The following LRP6 variants were observed in gnomAD, a reference collection of about 807,000 sequenced individuals.
LRP6 encodes LDL receptor related protein 6.
A neutral mutation model predicts 184.1 loss-of-function variants in LRP6; 43 were observed. The ratio of observed to expected loss-of-function variants is 0.23; its 90% confidence interval spans 0.18 to 0.30. The LOEUF (loss-of-function observed/expected upper bound fraction) is 0.30, where lower values mean the gene tolerates loss of function less well. Ranked by LOEUF, LRP6 falls within the 10% of genes least tolerant of loss-of-function variation. LRP6 has a pLI of 1.00. For missense variants in LRP6, 1,571 were observed against 2,005.3 expected, an observed-to-expected ratio of 0.78 and a Z score of 4.14; for synonymous variants, 719 against 684.9, an observed-to-expected ratio of 1.05 and a Z score of -0.78.
Position 12,267,040 on chromosome 12 carries a change from G to A in LRP6, c.-305C>T, listed in dbSNP as rs1865793883. On this transcript the variant is annotated 5_prime_UTR_variant, in exon 1 of 23. Transcript: ENST00000261349. ...CCTCTGCCTCGCGCAGCGGCGCAGG[G>A]ATACGGTCGGCACCGCCTCCTAGGG... is the stretch of plus-strand genomic sequence containing the variant. 7 of 437,286 alleles carry A rather than the reference G, an allele frequency of 1.6e-5. No individual in the cohort carries two copies. Among genetic ancestry groups the A allele is most frequent in the South Asian group, 1.2e-4 (4 of 34,068 alleles). 27.1% of individuals were successfully genotyped at this position (437,286 alleles called of 1,614,324 possible).
At chr12:12,202,368 C>T (rs141691369) in intron 3 of LRP6, among the ~76,000 whole-genome samples, 152 of 152,282 alleles carry the variant, frequency 1.0e-3, no homozygotes, top group African/African-American at 3.5e-3. Context: ...CATGGTGAGA[C>T]GCCATCTTTA....
intron 6 of LRP6, among the ~76,000 whole-genome samples, chr12:12,180,499 A>T (rs1358185588): frequency 6.6e-6 from 1 of 152,090 alleles, no homozygotes; most frequent in Non-Finnish European, 1.5e-5. Flanking sequence ...CTCAGAATAA[A>T]TCTCAAAGTA....
chr12:12,244,422 G>A lies in LRP6; in HGVS notation c.289C>T (p.Pro97Ser). 1 of 1,614,100 alleles carries A rather than the reference G, an allele frequency of 6.2e-7. No individual in the cohort carries two copies. The highest frequency in any genetic ancestry group is 8.5e-7 in the Non-Finnish European group (1 of 1,180,018). The change falls in exon 2 of 23, where the codon CCC becomes TCC. Residue 97 changes from proline to serine, a missense_variant. Coordinates refer to ENST00000261349, the MANE Select transcript of LRP6 (RefSeq NM_002336.3). ...AGCCAATCACATGCCAGCCCATCGGGGGACAATAATCCAGAAACAACAACA... is the reference window on the plus strand; with the variant it reads ...AGCCAATCACATGCCAGCCCATCGGAGGACAATAATCCAGAAACAACAACA... Reference protein sequence around the residue: ...QNVVVSGLLSPDGLACDWLGE... With the variant: ...QNVVVSGLLSSDGLACDWLGE...
chr12:12,164,339 T>C lies in LRP6; in HGVS notation c.1986A>G (p.Lys662=). The change falls in exon 9 of 23, where the codon AAA becomes AAG. Residue 662 remains lysine, a synonymous_variant. Transcript: ENST00000261349. ...NNVAIPLTGV[K]EASALDFDVT... ...CATCAAAATCCAAAGCAGAAGCTTCTTTGACACCAGTGAGTGGAATAGCCA... is the reference window on the plus strand; with the variant it reads ...CATCAAAATCCAAAGCAGAAGCTTCCTTGACACCAGTGAGTGGAATAGCCA... 1 of 1,614,136 alleles carries C rather than the reference T, an allele frequency of 6.2e-7. No individual in the cohort carries two copies. Among genetic ancestry groups the C allele is most frequent in the Non-Finnish European group, 8.5e-7 (1 of 1,179,996 alleles).
chr12:12,168,961 G>A (rs1862957321), intron 7 of LRP6, among the ~76,000 whole-genome samples: 1 of 152,126 alleles, frequency 6.6e-6, no homozygotes, highest in African/African-American at 2.4e-5. Flanking sequence ...AGGCGCAGTG[G>A]TTCACACCTG....
chr12:12,252,201 T>TC (rs1262964110), intron 1 of LRP6, among the ~76,000 whole-genome samples: 1 of 152,154 alleles, frequency 6.6e-6, no homozygotes, highest in Admixed American at 6.5e-5. Context: ...TTTTTTTTTT[T>TC]CCGGTCACTT....
chr12:12,190,598 C>T (rs1863588825), intron 3 of LRP6, among the ~76,000 whole-genome samples: 1 of 152,214 alleles, frequency 6.6e-6, no homozygotes, highest in South Asian at 2.1e-4. Context: ...TTAAACTCTG[C>T]ACCAACTGGA....
intron 7 of LRP6, among the ~76,000 whole-genome samples, chr12:12,167,083 C>T (rs1467893145): frequency 1.3e-5 from 2 of 152,060 alleles, no homozygotes; most frequent in East Asian, 1.9e-4. Flanking sequence ...TAAGTAACTC[C>T]AGCCTAGGAA....
At chr12:12,138,930 C>G (rs1949889398) in intron 15 of LRP6, 1 of 1,368,350 alleles carries the variant, frequency 7.3e-7, no homozygotes, top group Middle Eastern at 2.1e-4. Flanking sequence ...ACTCTCACCC[C>G]ACCTGGCTTC....
intron 15 of LRP6, among the ~76,000 whole-genome samples, chr12:12,144,265 A>C (rs1949972406): frequency 6.6e-6 from 1 of 152,194 alleles, no homozygotes; most frequent in Admixed American, 6.5e-5. Context: ...GCTGGAGTGC[A>C]GTGGTGCAAT....
At chr12:12,128,753 A>G (rs1232416216) in intron 19 of LRP6, among the ~76,000 whole-genome samples, 2 of 152,254 alleles carry the variant, frequency 1.3e-5, no homozygotes, top group East Asian at 3.8e-4. Context: ...AAGATGTGGT[A>G]TGGTACTTTG....
chr12:12,180,240 CT>C lies in LRP6; in HGVS notation c.1374-260del, dbSNP rs35341305. ...CAATAATGAGATTACAGTTTTACTT[CT>C]TTTTTTTTTTTTTTTTTTTAAATAT... On this transcript the variant is annotated intron_variant, in intron 6 of 22. Transcript: ENST00000261349. Among the ~76,000 whole-genome samples the C allele has an allele frequency of 2.3e-3, 293 of 126,098 alleles. 2 individuals are homozygous for C. The highest frequency in any genetic ancestry group is 4.6e-3 in the African/African-American group (156 of 33,688). The allele number at this position is 126,098 out of a possible 152,430, so 82.7% of individuals were successfully genotyped here.
chr12:12,167,590 C>T (rs1862918715), intron 7 of LRP6, among the ~76,000 whole-genome samples: 2 of 151,764 alleles, frequency 1.3e-5, no homozygotes, highest in Non-Finnish European at 2.9e-5. Flanking sequence ...TTGCAGTGTG[C>T]CGAGATCGCG....
chr12:12,186,075 T>C (rs1442551966), intron 4 of LRP6, among the ~76,000 whole-genome samples: 1 of 152,062 alleles, frequency 6.6e-6, no homozygotes, highest in Non-Finnish European at 1.5e-5. Context: ...CTCAAACTCC[T>C]GACCTCAAGT....
At chr12:12,147,336 T>C in intron 15 of LRP6, 30 bp downstream of exon 15, 1 of 1,610,612 alleles carries the variant, frequency 6.2e-7, no homozygotes, top group South Asian at 1.1e-5. Context: ...AAAACTCAAA[T>C]TAAAATAAGG....
chr12:12,138,781 G>T, intron 15 of LRP6: 1 of 1,478,404 alleles, frequency 6.8e-7, no homozygotes, highest in Non-Finnish European at 9.1e-7. Flanking sequence ...TCATAGAAAT[G>T]TAGAAAAGAA....
chr12:12,219,005 G>A (rs554560046), intron 2 of LRP6, among the ~76,000 whole-genome samples: 3 of 152,070 alleles, frequency 2.0e-5, no homozygotes, highest in Admixed American at 6.5e-5. Context: ...TTGGGAGGCC[G>A]AGGCGGGTGA....
At chr12:12,260,856 T>G (rs903412436) in intron 1 of LRP6, among the ~76,000 whole-genome samples, 6 of 152,238 alleles carry the variant, frequency 3.9e-5, no homozygotes, top group Non-Finnish European at 8.8e-5. Flanking sequence ...ATGTAAACTT[T>G]CAATAGAATT....
At chr12:12,238,816 T>C (rs1864985979) in intron 2 of LRP6, among the ~76,000 whole-genome samples, 1 of 152,068 alleles carries the variant, frequency 6.6e-6, no homozygotes, top group Non-Finnish European at 1.5e-5. Context: ...CAAAAAGCAA[T>C]GGTAAAATAA....
Sources: allele counts gnomAD v4.1 joint callset (sites outside exome capture counted in the v4.1 genomes callset), GRCh38; gene constraint gnomAD v4.1.1; transcripts MANE v1.5; gene names NCBI Gene and HGNC (gene_info 2026-07-23, HGNC 2026-07-21).